The following LINGO1 variants were observed in gnomAD, a reference collection of about 807,000 sequenced individuals.
LINGO1 encodes the protein leucine-rich repeat and immunoglobulin-like domain-containing nogo receptor-interacting protein 1.
Under a neutral mutation model 37.3 loss-of-function variants are expected in LINGO1, and 11 were observed. The observed-to-expected ratio is 0.29, with a 90% CI of 0.19 to 0.49. The LOEUF (loss-of-function observed/expected upper bound fraction) is 0.49. LINGO1 is among the 20% of genes least tolerant of loss of function. The pLI is 0.99. For synonymous variants in LINGO1, 387 were observed against 403.0 expected (o/e 0.96, Z 0.48); for missense variants, 585 against 878.2 (o/e 0.67, Z 4.22).
upstream of LINGO1, among the ~76,000 whole-genome samples, chr15:77,635,807 G>C (rs905052396): frequency 1.3e-5 from 2 of 152,252 alleles, no homozygotes; most frequent in Admixed American, 6.5e-5. Context: ...GAGCAGATCT[G>C]AGACTGCGTG....
chr15:77,618,291 C>G (rs939792498), intron 1 of LINGO1, among the ~76,000 whole-genome samples: 4 of 152,196 alleles, frequency 2.6e-5, no homozygotes, highest in African/African-American at 9.7e-5. Flanking sequence ...AAGCTTGCAC[C>G]ACCGGGCCTC....
At chr15:77,788,800 C>T (rs2076795763), upstream of LINGO1, 1 of 152,266 alleles carries the variant, frequency 6.6e-6, no homozygotes, top group Admixed American at 6.5e-5. Context: ...AAGCCACTAC[C>T]TGAGGGCACC....
At chr15:77,734,440 A>T (rs927514426) in intron 2 of LINGO1, among the ~76,000 whole-genome samples, 4 of 152,004 alleles carry the variant, frequency 2.6e-5, no homozygotes, top group African/African-American at 4.8e-5. Context: ...TACTGGGGTC[A>T]GCCTTGCCGC....
At chr15:77,787,003 T>A (rs549502046) in exon 1 of LINGO1, 1 of 152,408 alleles carries the variant, frequency 6.6e-6, no homozygotes, top group Non-Finnish European at 1.5e-5. Context: ...CCGCAGGACC[T>A]GAGGCTGAGC....
chr15:77,625,263 T>A (rs1052329010), intron 1 of LINGO1, among the ~76,000 whole-genome samples: 2 of 152,154 alleles, frequency 1.3e-5, no homozygotes, highest in Non-Finnish European at 2.9e-5. Flanking sequence ...CTAAATAGAA[T>A]GACGATGAGA....
intron 3 of LINGO1, among the ~76,000 whole-genome samples, chr15:77,666,387 T>G (rs1460527932): frequency 6.6e-6 from 1 of 152,194 alleles, no homozygotes; most frequent in Non-Finnish European, 1.5e-5. Context: ...GAGGGAGCCA[T>G]GGGGCCTGCG....
chr15:77,667,514 C>T (rs1453240587), intron 3 of LINGO1, among the ~76,000 whole-genome samples: 1 of 152,138 alleles, frequency 6.6e-6, no homozygotes, highest in African/African-American at 2.4e-5. Context: ...GTCCCTGGTG[C>T]AGGAGGGAAG....
upstream of LINGO1, among the ~76,000 whole-genome samples, chr15:77,635,973 A>G (rs906037611): frequency 6.6e-6 from 1 of 152,214 alleles, no homozygotes; most frequent in African/African-American, 2.4e-5. Context: ...GGAGGAGGGG[A>G]GAAGGCCCTC....
At chr15:77,621,811 C>T (rs971537758) in intron 1 of LINGO1, among the ~76,000 whole-genome samples, 1 of 152,252 alleles carries the variant, frequency 6.6e-6, no homozygotes, top group Admixed American at 6.5e-5. Context: ...GTGGGGCTGG[C>T]TGAAGCACAG....
At position 77,614,405 on chromosome 15, in the gene LINGO1, T is replaced by C. The variant is rs750837776; in HGVS notation, c.1502A>G (p.Asn501Ser). The change falls in exon 2 of 2, where the codon AAC becomes AGC. Residue 501 changes from asparagine (N) to serine (S), a missense_variant. Asn to Ser is a conservative substitution (Grantham distance 46). Transcript: ENST00000355300. ...DNGTYLCIAA[N>S]AGGNDSMPAH... ...GGGCATGGAGTCGTTGCCGCCCGCG[T>C]TGGCCGCGATGCACAGGTACGTGCC... 1.2e-6 allele frequency: 2 copies of C among 1,613,054 alleles called. No homozygotes were observed. The highest frequency in any genetic ancestry group is 2.2e-5 in the South Asian group (2 of 91,076).
At chr15:77,705,727 C>G (rs1266090447) in intron 2 of LINGO1, among the ~76,000 whole-genome samples, 1 of 152,256 alleles carries the variant, frequency 6.6e-6, no homozygotes, top group East Asian at 1.9e-4. Flanking sequence ...TCCTCTCAGG[C>G]ACAATGGTGC....
At chr15:77,649,755 T>C (rs1033067242) in intron 3 of LINGO1, among the ~76,000 whole-genome samples, 9 of 152,108 alleles carry the variant, frequency 5.9e-5, no homozygotes, top group Non-Finnish European at 1.2e-4. Context: ...TTGCTGAGGC[T>C]GGACTCCCAC....
chr15:77,803,034 G>C (rs576241630), intron 1 of LINGO1, among the ~76,000 whole-genome samples: 1 of 152,250 alleles, frequency 6.6e-6, no homozygotes, highest in African/African-American at 2.4e-5. Context: ...CCAAACCTTT[G>C]CACCTGCTGT....
At chr15:77,737,701 C>T (rs997354276) in intron 1 of LINGO1, among the ~76,000 whole-genome samples, 3 of 151,708 alleles carry the variant, frequency 2.0e-5, no homozygotes, top group Admixed American at 6.6e-5. Context: ...CCTCACTGGT[C>T]CCTGAGCTCT....
intron 1 of LINGO1, among the ~76,000 whole-genome samples, chr15:77,803,045 T>G (rs1186430254): frequency 6.6e-6 from 1 of 151,980 alleles, no homozygotes; most frequent in African/African-American, 2.4e-5. Flanking sequence ...CACCTGCTGT[T>G]CCCCCTGGGG....
chr15:77,683,342 C>T (rs375276270), intron 2 of LINGO1, among the ~76,000 whole-genome samples: 8 of 152,158 alleles, frequency 5.3e-5, no homozygotes, highest in African/African-American at 1.9e-4. Context: ...AGACCCTTCA[C>T]CCCGGCCACT....
At chr15:77,654,972 C>A (rs1221695773) in intron 3 of LINGO1, among the ~76,000 whole-genome samples, 2 of 152,182 alleles carry the variant, frequency 1.3e-5, no homozygotes, top group Non-Finnish European at 2.9e-5. Flanking sequence ...AGCCAGACTT[C>A]TCTCCTGTTT....
At chr15:77,706,859 A>G in intron 2 of LINGO1, among the ~76,000 whole-genome samples, 1 of 152,034 alleles carries the variant, frequency 6.6e-6, no homozygotes, top group South Asian at 2.1e-4. Flanking sequence ...CAGACCAGAG[A>G]CTCTACCCTC....
intron 3 of LINGO1, among the ~76,000 whole-genome samples, chr15:77,639,566 G>A (rs2074459368): frequency 6.6e-6 from 1 of 152,026 alleles, no homozygotes; most frequent in Admixed American, 6.6e-5. Context: ...ACAGGAAATG[G>A]CCTAAGTGCC....
Sources: gnomAD v4.1 joint callset for allele counts (sites outside exome capture counted in the v4.1 genomes callset) on GRCh38, gnomAD v4.1.1 for gene constraint, MANE v1.5 for transcripts, NCBI Gene and HGNC (gene_info 2026-07-23, HGNC 2026-07-21) for gene names.